Variants in HM13 observed in about 807,000 individuals in gnomAD.
HM13 encodes signal peptide peptidase.
A neutral mutation model predicts 50.0 loss-of-function variants in HM13; 18 were observed. That is an observed-to-expected ratio of 0.36 (90% CI 0.25 to 0.53). The LOEUF (loss-of-function observed/expected upper bound fraction) is 0.53. Ranked by LOEUF, HM13 falls within the 20% of genes least tolerant of loss-of-function variation. HM13 has a pLI of 0.90. For synonymous variants in HM13, 197 were observed against 232.6 expected (o/e 0.85, Z 1.39); for missense variants, 393 against 552.4 (o/e 0.71, Z 2.89).
At chr20:31,552,983 A>T (rs1984110360) in intron 7 of HM13, among the ~76,000 whole-genome samples, 1 of 151,904 alleles carries the variant, frequency 6.6e-6, no homozygotes, top group Non-Finnish European at 1.5e-5. Context: ...TCAAATATAT[A>T]TGTATATATG....
intron 3 of HM13, chr20:31,541,707 A>G (rs554846614): frequency 1.3e-5 from 2 of 152,340 alleles, no homozygotes; most frequent in East Asian, 1.9e-4. Context: ...AAGTTGGTCT[A>G]CCAATTAAAT....
chr20:31,535,086 A>C (rs78990622), intron 2 of HM13, among the ~76,000 whole-genome samples: 1 of 144,702 alleles, frequency 6.9e-6, no homozygotes, highest in South Asian at 2.2e-4. Flanking sequence ...ACTCCGTCTC[A>C]AAAAAAAAAA....
intron 4 of HM13, among the ~76,000 whole-genome samples, chr20:31,547,007 C>T (rs992644575): frequency 1.4e-4 from 22 of 152,306 alleles, no homozygotes; most frequent in African/African-American, 5.3e-4. Context: ...TCATGCTCCG[C>T]CATATACAGC....
chr20:31,552,603 A>AT (rs1984089710), intron 7 of HM13, among the ~76,000 whole-genome samples: 1 of 152,206 alleles, frequency 6.6e-6, no homozygotes, highest in Admixed American at 6.5e-5. Context: ...AAGTGCTCAT[A>AT]TGCTGACATC....
intron 8 of HM13, among the ~76,000 whole-genome samples, chr20:31,558,174 T>C (rs1984420238): frequency 6.6e-6 from 1 of 152,242 alleles, no homozygotes; most frequent in African/African-American, 2.4e-5. Flanking sequence ...TCTTTTTTCT[T>C]TTTTAGCAGA....
chr20:31,554,853 A>T, intron 8 of HM13, 24 bp downstream of exon 8: 2 of 1,578,788 alleles, frequency 1.3e-6, no homozygotes, highest in Non-Finnish European at 8.7e-7. Context: ...TGTGGGGGCT[A>T]TGTGAAAGGG....
chr20:31,534,417 A>C (rs1357052662), intron 2 of HM13, among the ~76,000 whole-genome samples: 1 of 152,112 alleles, frequency 6.6e-6, no homozygotes, highest in Non-Finnish European at 1.5e-5. Flanking sequence ...TGCCTTTGTT[A>C]GGGCTCAGGG....
intron 2 of HM13, chr20:31,535,268 A>G (rs1200040334): frequency 6.6e-6 from 1 of 152,274 alleles, no homozygotes; most frequent in Non-Finnish European, 1.5e-5. Context: ...TTTAAAATTG[A>G]TTCCTTTGAG....
At chr20:31,552,898 T>C (rs1984104431) in intron 7 of HM13, among the ~76,000 whole-genome samples, 1 of 152,062 alleles carries the variant, frequency 6.6e-6, no homozygotes, top group Admixed American at 6.6e-5. Context: ...TACCTGTTGT[T>C]GGCCAGATGA....
Position 31,549,064 on chromosome 20 carries a change from G to C in HM13, c.490G>C (p.Val164Leu), listed in dbSNP as rs775216833. The C allele has an allele frequency of 6.2e-7, 1 of 1,614,168 alleles. No individual in the cohort carries two copies. The highest frequency in any genetic ancestry group is 1.7e-5 in the Admixed American group (1 of 60,030). Residue 164 changes from valine to leucine, a missense_variant, in exon 5 of 13, where the codon GTG (valine) becomes CTG (leucine). Physicochemically the swap from Val to Leu is conservative, Grantham distance 32 (BLOSUM62 1). Around this residue, in one of 3 missense-constraint regions of HM13, gnomAD observed 214 missense variants for 276.1 expected, o/e 0.77. Transcript: ENST00000398174. ...INYEFDTKDLVCLGLSSIVGV... is the reference protein window; with the variant it reads ...INYEFDTKDLLCLGLSSIVGV... ...TTATGAATTTGACACCAAGGACCTG[G>C]TGTGCCTGGGCCTGAGCAGCATCGT...
At chr20:31,559,966 A>G (rs1984518280) in intron 9 of HM13, among the ~76,000 whole-genome samples, 1 of 152,208 alleles carries the variant, frequency 6.6e-6, no homozygotes, top group Admixed American at 6.5e-5. Context: ...TGAGTTAATA[A>G]CAAGAGTTCC....
At chr20:31,542,200 T>C (rs1983485690) in intron 3 of HM13, among the ~76,000 whole-genome samples, 1 of 152,202 alleles carries the variant, frequency 6.6e-6, no homozygotes, top group Non-Finnish European at 1.5e-5. Context: ...CCTGGGGGAT[T>C]GGAGGAAGGC....
In HM13 at chr20:31,569,388, T is replaced by G; in HGVS notation, c.*169T>G. 2.0e-6 allele frequency: 1 copy of G among 508,126 alleles called. No homozygotes were observed. Among genetic ancestry groups the G allele is most frequent in the Non-Finnish European group, 3.6e-6 (1 of 275,376 alleles). The allele number at this position is 508,126 out of a possible 1,614,324, so 31.5% of individuals were successfully genotyped here. A position where few individuals can be genotyped will look rare whatever the true frequency, so the allele number is the denominator to read the frequency against. ...CTGTGGCCTCTGTTTCCTTCTCCCT[T>G]TCTTGGCCCTCCTCTGCTCCTCCCC... is the stretch of plus-strand genomic sequence containing the variant. On this transcript the variant is annotated 3_prime_UTR_variant, in exon 13 of 13. Transcript: ENST00000398174.
chr20:31,552,245 T>C (rs1316512608), intron 7 of HM13, among the ~76,000 whole-genome samples: 1 of 152,070 alleles, frequency 6.6e-6, no homozygotes, highest in Non-Finnish European at 1.5e-5. Context: ...TTCCCAAGCA[T>C]ACAGGGGCAA....
At chr20:31,529,970 A>T (rs780215666) in intron 2 of HM13, among the ~76,000 whole-genome samples, 43 of 145,584 alleles carry the variant, frequency 3.0e-4, no homozygotes, top group Middle Eastern at 3.5e-3. Flanking sequence ...TGTCTCAATT[A>T]AAAAAAAAAA....
At chr20:31,523,053 G>GGC (rs1568779752) in intron 1 of HM13, among the ~76,000 whole-genome samples, 1 of 139,828 alleles carries the variant, frequency 7.2e-6, no homozygotes, top group African/African-American at 2.9e-5. Flanking sequence ...TGGGAGGGGG[G>GGC]CTTTTTTTTT....
At chr20:31,544,711 A>C (rs1983616455) in intron 3 of HM13, among the ~76,000 whole-genome samples, 1 of 152,224 alleles carries the variant, frequency 6.6e-6, no homozygotes, top group South Asian at 2.1e-4. Flanking sequence ...TAGAGAAATC[A>C]CTATGAGTGC....
chr20:31,565,178 A>G lies in HM13; in HGVS notation c.949-1032A>G, dbSNP rs188867236. Among the ~76,000 whole-genome samples the G allele has an allele frequency of 9.4e-3, 1,424 of 151,176 alleles. 18 individuals carry two copies. Among genetic ancestry groups the G allele is most frequent in the African/African-American group, 0.032 (1,323 of 41,068 alleles). On this transcript the variant is annotated intron_variant, in intron 10 of 12. Coordinates refer to ENST00000398174, the MANE Select transcript of HM13 (RefSeq NM_178581.3). ...CAGACTCCATCTCAAAAAAAAAAAAAAAAGAAAGAAACTCTTTGGGCTGGG... is the reference window on the plus strand; with the variant it reads ...CAGACTCCATCTCAAAAAAAAAAAAGAAAGAAAGAAACTCTTTGGGCTGGG...
chr20:31,549,457 C>T lies in HM13; in HGVS notation c.666+125C>T, dbSNP rs1001344967. On this transcript the variant is annotated intron_variant, in intron 6 of 12. Transcript: ENST00000398174. ...GCTGTTTTGGGCTGAAGTTCCGGACCGCAGAGCAAGTCCTCTCTGGGCCCA... is the reference window on the plus strand; with the variant it reads ...GCTGTTTTGGGCTGAAGTTCCGGACTGCAGAGCAAGTCCTCTCTGGGCCCA... 420 of 1,237,656 alleles carry T rather than the reference C, an allele frequency of 3.4e-4. 5 individuals are homozygous for T. The Admixed American group carries it at 7.5e-3, about 22-fold the overall frequency. The allele number at this position is 1,237,656 out of a possible 1,614,324, so 76.7% of individuals were successfully genotyped here.
Sources: gnomAD v4.1 joint callset for allele counts (sites outside exome capture counted in the v4.1 genomes callset) on GRCh38, gnomAD v4.1.1 for gene constraint, gnomAD v4.1.1 regional missense constraint, MANE v1.5 for transcripts, NCBI Gene and HGNC (gene_info 2026-07-23, HGNC 2026-07-21) for gene names.